PTPN21: variants seen among roughly 807,000 people sequenced by gnomAD.
The protein encoded by PTPN21 is tyrosine-protein phosphatase non-receptor type 21.
A neutral mutation model predicts 131.8 loss-of-function variants in PTPN21; 77 were observed. The observed-to-expected ratio is 0.58, with a 90% CI of 0.49 to 0.71. The LOEUF is 0.71. PTPN21 is among the 30% of genes least tolerant of loss of function. The probability of loss-of-function intolerance (pLI) is 0.00; values close to 1 mark genes in which losing one functional copy is unlikely to be tolerated. For missense variants in PTPN21, 1,552 were observed against 1,527.1 expected (o/e 1.02, Z -0.27); for synonymous variants, 715 against 621.3 (o/e 1.15, Z -2.24).
chr14:88,501,250 T>TA (rs1300061158), intron 7 of PTPN21, 31 bp downstream of exon 7: 1 of 1,556,322 alleles, frequency 6.4e-7, no homozygotes, highest in African/African-American at 1.4e-5. Context: ...AGCCTAACTT[T>TA]AAAGAGCCCC....
At position 88,479,492 on chromosome 14, in the gene PTPN21, G is replaced by C; in HGVS notation, c.1939C>G (p.Leu647Val). The change falls in exon 13 of 19, where the codon CTG (leucine) becomes GTG (valine). Residue 647 changes from leucine to valine, a missense_variant. Coordinates refer to ENST00000556564, the MANE Select transcript of PTPN21 (RefSeq NM_007039.4). Reference sequence around the variant, plus strand: ...CGCTCCTTGAGCCGCAGGCCCTCCAGGCCGTGGCTGAGCCCGGCCACCTCG... The same window carrying C: ...CGCTCCTTGAGCCGCAGGCCCTCCACGCCGTGGCTGAGCCCGGCCACCTCG... The part of the protein sequence containing the change: ...SIEVAGLSHG[L>V]EGLRLKERTL... 6.2e-7 allele frequency: 1 copy of C among 1,601,538 alleles called. No homozygotes were observed. Among genetic ancestry groups the C allele is most frequent in the Non-Finnish European group, 8.5e-7 (1 of 1,179,184 alleles).
At chr14:88,518,002 A>T (rs1190708526) in intron 2 of PTPN21, among the ~76,000 whole-genome samples, 2 of 147,986 alleles carry the variant, frequency 1.4e-5, no homozygotes, top group Admixed American at 1.4e-4. Context: ...ATCTGCATAT[A>T]AAATTGAGTA....
At chr14:88,468,344 G>T in intron 18 of PTPN21, 79 bp from the exon 19 acceptor site, 1 of 1,375,630 alleles carries the variant, frequency 7.3e-7, no homozygotes, top group Non-Finnish European at 9.8e-7. Context: ...GAGTGTCCTG[G>T]CAGAAACCTG....
chr14:88,554,623 T>G (rs2078901360), intron 1 of PTPN21, 28 bp downstream of exon 1: 1 of 150,430 alleles, frequency 6.6e-6, no homozygotes, highest in African/African-American at 2.4e-5. Flanking sequence ...CGCCCGCCCC[T>G]CCCGCCGGCC....
At chr14:88,473,885 G>T in intron 13 of PTPN21, 83 bp from the exon 14 acceptor site, 1 of 1,239,770 alleles carries the variant, frequency 8.1e-7, no homozygotes, top group South Asian at 1.5e-5. Flanking sequence ...TGAAGACCAG[G>T]AACACACAGA....
At chr14:88,533,419 CAT>C (rs1448775674) in intron 2 of PTPN21, among the ~76,000 whole-genome samples, 2 of 152,228 alleles carry the variant, frequency 1.3e-5, no homozygotes, top group Non-Finnish European at 2.9e-5. Context: ...GCATTACTCA[CAT>C]GTCTGTAGTG....
At chr14:88,493,010 T>C in intron 10 of PTPN21, 1 of 441,030 alleles carries the variant, frequency 2.3e-6, no homozygotes, top group South Asian at 1.6e-5. Flanking sequence ...CAGGAACTAC[T>C]CTAACAGGCT....
At chr14:88,501,196 A>G (rs973036406) in intron 7 of PTPN21, 85 bp downstream of exon 7, 6 of 1,254,208 alleles carry the variant, frequency 4.8e-6, no homozygotes, top group Non-Finnish European at 7.0e-6. Flanking sequence ...GCCTTTGCAC[A>G]TAAGGACATC....
chr14:88,500,712 G>A, intron 8 of PTPN21, 71 bp downstream of exon 8: 1 of 1,037,874 alleles, frequency 9.6e-7, no homozygotes, highest in Non-Finnish European at 1.5e-6. Flanking sequence ...CAATTTAACT[G>A]CTGTAAGTAC....
intron 2 of PTPN21, among the ~76,000 whole-genome samples, chr14:88,534,554 A>G (rs919708722): frequency 1.3e-5 from 2 of 152,166 alleles, no homozygotes; most frequent in Non-Finnish European, 2.9e-5. Flanking sequence ...TTGTAAAGCA[A>G]AAACGTTATA....
chr14:88,522,427 C>G (rs1194263359), intron 2 of PTPN21, among the ~76,000 whole-genome samples: 1 of 42,190 alleles, frequency 2.4e-5, no homozygotes, highest in Non-Finnish European at 5.0e-5. Flanking sequence ...AAGACTGTCT[C>G]AAAAAAAAAA....
In PTPN21 at chr14:88,479,151, G is replaced by C. The variant is rs1312092887; in HGVS notation, c.2280C>G (p.Pro760=). ...LLAGPLHILE[P]KAHVPDAEKR... is the part of the protein sequence containing the mutation. ...TCTCCGCGTCTGGGACGTGGGCCTT[G>C]GGCTCCAGGATGTGCAGGGGCCCGG... The change falls in exon 13 of 19, where the codon CCC becomes CCG. Residue 760 remains proline (P), a synonymous_variant. Coordinates refer to ENST00000556564, the MANE Select transcript of PTPN21 (RefSeq NM_007039.4). 1.3e-6 allele frequency: 2 copies of C among 1,553,260 alleles called. No individual in the cohort carries two copies. The highest frequency in any genetic ancestry group is 2.0e-5 in the Admixed American group (1 of 51,182).
intron 10 of PTPN21, among the ~76,000 whole-genome samples, chr14:88,488,824 C>T (rs571885312): frequency 1.3e-5 from 2 of 152,074 alleles, no homozygotes; most frequent in South Asian, 4.1e-4. Context: ...ATACTAGGAC[C>T]TGGTGTCTTT....
intron 8 of PTPN21, 134 bp from the exon 9 acceptor site, chr14:88,497,424 AAAAAC>A: frequency 1.4e-6 from 1 of 701,648 alleles, no homozygotes; most frequent in African/African-American, 1.8e-5. Context: ...ACAAAAAACA[AAAAAC>A]ACGAGACCAG....
chr14:88,465,791 T>TGC lies in PTPN21; in HGVS notation c.*2345_*2346insGC, dbSNP rs2077354590. 6.6e-6 allele frequency: 1 copy of TGC among 152,204 alleles called. No homozygotes were observed. Among genetic ancestry groups the TGC allele is most frequent in the African/African-American group, 2.4e-5 (1 of 41,442 alleles). The allele number at this position is 152,204 out of a possible 1,614,324, so 9.4% of individuals were successfully genotyped here. ...TTCAAAGCTCAGTAATGTGGATAGA[T>TGC]TTTTATTCAGAAATCCTTTCATATT... On this transcript the variant is annotated 3_prime_UTR_variant, in exon 19 of 19. Coordinates refer to ENST00000556564, the MANE Select transcript of PTPN21 (RefSeq NM_007039.4).
At chr14:88,532,637 AC>A in intron 2 of PTPN21, among the ~76,000 whole-genome samples, 1 of 152,178 alleles carries the variant, frequency 6.6e-6, no homozygotes, top group East Asian at 1.9e-4. Flanking sequence ...TTTTATACAT[AC>A]TTTTAATGAG....
intron 2 of PTPN21, among the ~76,000 whole-genome samples, chr14:88,532,737 A>T (rs1313060604): frequency 6.6e-6 from 1 of 152,206 alleles, no homozygotes; most frequent in East Asian, 1.9e-4. Context: ...AGTTGGCAGT[A>T]GAGGGAAGTG....
chr14:88,472,429 C>G lies in PTPN21; in HGVS notation c.2686G>C (p.Val896Leu). Residue 896 changes from valine (V) to leucine (L), a missense_variant, in exon 15 of 19, where the codon GTA becomes CTA. Coordinates refer to ENST00000556564, the MANE Select transcript of PTPN21 (RefSeq NM_007039.4). ...ILEQRLEQGM[V>L]FTEYERILKK... ...AGAATTCTTTCATATTCTGTGAATA[C>G]CATTCCTTGTTCTAATCGTTGTTCC... The G allele has an allele frequency of 6.2e-7, 1 of 1,613,724 alleles. No individual in the cohort carries two copies. The highest frequency in any genetic ancestry group is 8.5e-7 in the Non-Finnish European group (1 of 1,179,636).
chr14:88,554,091 G>A (rs917994510), intron 1 of PTPN21, among the ~76,000 whole-genome samples: 15 of 152,200 alleles, frequency 9.9e-5, no homozygotes, highest in African/African-American at 3.6e-4. Flanking sequence ...TGGAGCACAC[G>A]AATGTTCTGA....
Sources: allele counts gnomAD v4.1 joint callset (sites outside exome capture counted in the v4.1 genomes callset), GRCh38; gene constraint gnomAD v4.1.1; transcripts MANE v1.5; gene names NCBI Gene and HGNC (gene_info 2026-07-23, HGNC 2026-07-21).